FUT8: variants seen among roughly 807,000 people sequenced by gnomAD.
The protein encoded by FUT8 is fucosyltransferase 8.
Under a neutral mutation model 71.3 loss-of-function variants are expected in FUT8, and 29 were observed. The ratio of observed to expected loss-of-function variants is 0.41; its 90% confidence interval spans 0.30 to 0.55. The LOEUF is 0.55. FUT8 is among the 20% of genes least tolerant of loss of function. FUT8 has a pLI of 0.34. For missense variants in FUT8, 544 were observed against 702.1 expected, an observed-to-expected ratio of 0.77 and a Z score of 2.55; for synonymous variants, 254 against 239.3, an observed-to-expected ratio of 1.06 and a Z score of -0.57.
Position 65,429,584 on chromosome 14 carries a change from C to T in FUT8, c.-326+16370C>T, listed in dbSNP as rs192588404. Among the ~76,000 whole-genome samples, 9 of 152,138 alleles carry T rather than the reference C, an allele frequency of 5.9e-5. No homozygotes were observed. The East Asian group carries it at 1.5e-3, about 26-fold the overall frequency. On this transcript the variant is annotated intron_variant, in intron 1 of 10. Coordinates refer to ENST00000673929, the MANE Select transcript of FUT8 (RefSeq NM_001371533.1). The stretch of plus-strand genomic sequence containing the variant: ...CATTATATTAAGACTTTAAAGCAGG[C>T]CAGGCATGGTGCCTCATGCCTGTAA...
At chr14:65,611,191 ACACACACG>A (rs1192398699) in intron 3 of FUT8, among the ~76,000 whole-genome samples, 1 of 6,094 alleles carries the variant, frequency 1.6e-4, no homozygotes, top group African/African-American at 6.0e-4. Context: ...TCATACACAC[ACACACACG>A]CGCGCGCGCG....
chr14:65,609,655 A>G (rs996376814), intron 3 of FUT8, among the ~76,000 whole-genome samples: 1 of 151,842 alleles, frequency 6.6e-6, no homozygotes, highest in Non-Finnish European at 1.5e-5. Context: ...TATTGTATGT[A>G]GTTTTATAAT....
chr14:65,487,117 A>G (rs1456908007), intron 2 of FUT8, among the ~76,000 whole-genome samples: 1 of 152,212 alleles, frequency 6.6e-6, no homozygotes, highest in African/African-American at 2.4e-5. Context: ...GGAGAGTTCT[A>G]ACTTGGAGAA....
chr14:65,500,935 C>T (rs1054960511), intron 2 of FUT8, among the ~76,000 whole-genome samples: 5 of 152,124 alleles, frequency 3.3e-5, no homozygotes, highest in African/African-American at 1.2e-4. Flanking sequence ...TTAGGTTATG[C>T]TTCTTCTTTC....
intron 1 of FUT8, among the ~76,000 whole-genome samples, chr14:65,439,951 T>TAC (rs1201363124): frequency 1.2e-4 from 7 of 57,234 alleles, no homozygotes; most frequent in Non-Finnish European, 2.3e-4. Flanking sequence ...TGTGTGTGTG[T>TAC]GTGTATATAT....
rs546300949 is a variant in FUT8 at position 65,705,465 on chromosome 14, T to C, written c.836-16310T>C. ...AAGTTAAATTTAAAAAGCTCCCTCATCCCTCTAAAGGTCTCACCATAGCTA... is the reference window on the plus strand; with the variant it reads ...AAGTTAAATTTAAAAAGCTCCCTCACCCCTCTAAAGGTCTCACCATAGCTA... On this transcript the variant is annotated intron_variant, in intron 7 of 10. Transcript: ENST00000673929. Among the ~76,000 whole-genome samples, 5 of 152,338 alleles carry C rather than the reference T, an allele frequency of 3.3e-5. No homozygotes were observed. In the South Asian group the frequency reaches 1.0e-3, roughly 32 times the overall value.
chr14:65,525,138 G>C (rs1166623362), intron 2 of FUT8, among the ~76,000 whole-genome samples: 1 of 152,192 alleles, frequency 6.6e-6, no homozygotes, highest in Admixed American at 6.5e-5. Flanking sequence ...AGAAGGAATG[G>C]TACTAGCTCC....
At chr14:65,434,451 A>G (rs535830728) in intron 1 of FUT8, among the ~76,000 whole-genome samples, 96 of 152,366 alleles carry the variant, frequency 6.3e-4, no homozygotes, top group African/African-American at 2.2e-3. Context: ...TCAGAACCAC[A>G]CAAATCGGGG....
intron 7 of FUT8, among the ~76,000 whole-genome samples, chr14:65,699,262 G>A (rs375454395): frequency 2.0e-5 from 3 of 151,136 alleles, no homozygotes; most frequent in African/African-American, 7.3e-5. Context: ...AATCCTTTAG[G>A]CTGGGCTCTG....
At chr14:65,583,477 A>T (rs1189753492) in intron 3 of FUT8, among the ~76,000 whole-genome samples, 1 of 152,180 alleles carries the variant, frequency 6.6e-6, no homozygotes, top group Non-Finnish European at 1.5e-5. Flanking sequence ...TAGAGATAAT[A>T]TTTTTTGTAG....
chr14:65,495,733 T>C (rs1286358121), intron 2 of FUT8, among the ~76,000 whole-genome samples: 1 of 152,234 alleles, frequency 6.6e-6, no homozygotes, highest in Admixed American at 6.5e-5. Context: ...ATTTGTAATA[T>C]GCTAATGTTA....
intron 8 of FUT8, among the ~76,000 whole-genome samples, chr14:65,722,619 G>A (rs1173270287): frequency 6.6e-6 from 1 of 152,154 alleles, no homozygotes; most frequent in Non-Finnish European, 1.5e-5. Context: ...ACTTTTGATT[G>A]AAATTCAATG....
chr14:65,361,807 C>CAAACAAAT, the FUT8 span, among the ~76,000 whole-genome samples: 17 of 135,648 alleles, frequency 1.3e-4, no homozygotes, highest in African/African-American at 4.3e-4. Flanking sequence ...AACAAACAAA[C>CAAACAAAT]AAATAAATAA....
intron 1 of FUT8, among the ~76,000 whole-genome samples, chr14:65,430,521 T>C (rs760789970): frequency 1.3e-5 from 2 of 152,192 alleles, no homozygotes; most frequent in Non-Finnish European, 2.9e-5. Flanking sequence ...GGGGAATTTT[T>C]ATTTTTAGTC....
chr14:65,572,371 TGTGA>T (rs1321450932), intron 3 of FUT8, among the ~76,000 whole-genome samples: 2 of 152,200 alleles, frequency 1.3e-5, no homozygotes, highest in African/African-American at 4.8e-5. Context: ...ATAGCAGCCC[TGTGA>T]GTAAGTACTC....
chr14:65,425,414 C>T (rs1447826631), intron 1 of FUT8, among the ~76,000 whole-genome samples: 3 of 149,496 alleles, frequency 2.0e-5, no homozygotes, highest in Non-Finnish European at 4.4e-5. Flanking sequence ...GTGATCCACC[C>T]GCCTCGCCCT....
the FUT8 span, among the ~76,000 whole-genome samples, chr14:65,388,802 T>C: frequency 2.0e-5 from 3 of 151,870 alleles, no homozygotes; most frequent in South Asian, 6.2e-4. Flanking sequence ...TCCATCAATA[T>C]CAGATTTGCT....
chr14:65,482,394 TA>T (rs1267604082), intron 2 of FUT8, among the ~76,000 whole-genome samples: 1 of 152,054 alleles, frequency 6.6e-6, no homozygotes, highest in Non-Finnish European at 1.5e-5. Context: ...ACAGGTGGAA[TA>T]AAATTTTAAG....
intron 3 of FUT8, among the ~76,000 whole-genome samples, chr14:65,579,067 G>A (rs1886942052): frequency 6.6e-6 from 1 of 151,906 alleles, no homozygotes; most frequent in South Asian, 2.1e-4. Context: ...GTAATTTAAT[G>A]TTAATTCTCA....
Sources: allele counts gnomAD v4.1 joint callset (sites outside exome capture counted in the v4.1 genomes callset), GRCh38; gene constraint gnomAD v4.1.1; transcripts MANE v1.5; gene names NCBI Gene and HGNC (gene_info 2026-07-23, HGNC 2026-07-21).